The following WDR86 variants were observed in gnomAD, a reference collection of about 807,000 sequenced individuals.
WDR86 encodes the protein WD repeat-containing protein 86.
Under a neutral mutation model 36.5 loss-of-function variants are expected in WDR86, and 30 were observed. That is an observed-to-expected ratio of 0.82 (90% confidence interval 0.61 to 1.11). WDR86 has a LOEUF of 1.11. WDR86 is among the 50% of genes most tolerant of loss of function. The pLI, the probability that WDR86 is intolerant of heterozygous loss-of-function variation, is 0.00. For missense variants in WDR86, 545 were observed against 561.2 expected (o/e 0.97, Z 0.29); for synonymous variants, 255 against 252.9 (o/e 1.01, Z -0.08).
intron 3 of WDR86, among the ~76,000 whole-genome samples, chr7:151,392,669 G>T (rs1799521374): frequency 6.6e-6 from 1 of 152,166 alleles, no homozygotes; most frequent in Non-Finnish European, 1.5e-5. Flanking sequence ...GAGGCTCCGG[G>T]GCCACCGGCC....
the WDR86 span, among the ~76,000 whole-genome samples, chr7:151,369,887 A>G: frequency 1.3e-5 from 2 of 152,210 alleles, no homozygotes; most frequent in Admixed American, 6.5e-5. Flanking sequence ...GGATGGGAGC[A>G]GGAAAGCCCC....
At chr7:151,382,978 C>A (rs1331854838) in intron 4 of WDR86, among the ~76,000 whole-genome samples, 1 of 149,328 alleles carries the variant, frequency 6.7e-6, no homozygotes, top group Non-Finnish European at 1.5e-5. Context: ...TGTTCCCCAG[C>A]CTTTTTTTTT....
rs1185706504 is a variant in WDR86, at chr7:151,405,488, A to G, written c.163+3939T>C. 1.3e-5 allele frequency among the ~76,000 whole-genome samples: 2 copies of G among 152,234 alleles called. No individual in the cohort carries two copies. The highest frequency in any genetic ancestry group is 2.4e-5 in the African/African-American group (1 of 41,450). On this transcript the variant is annotated intron_variant, in intron 1 of 5. Coordinates refer to ENST00000334493, the MANE Select transcript of WDR86 (RefSeq NM_198285.3). This position sits in a 1 kb window ranked among gnomAD's most constrained non-coding sequence, Gnocchi z 4.7. ...TGTCCCTTTATTAAACTCTCCTGGT[A>G]GAACCCAGTTTCGAGGGTGCTGGGA...
intron 1 of WDR86, among the ~76,000 whole-genome samples, chr7:151,403,741 C>G (rs78315480): frequency 6.6e-6 from 1 of 152,120 alleles, no homozygotes; most frequent in Admixed American, 6.5e-5. Flanking sequence ...TTTTTGCCAA[C>G]CCCAGAGGGT....
chr7:151,408,952 C>T (rs1184003712), intron 1 of WDR86: 3 of 472,856 alleles, frequency 6.3e-6, no homozygotes, highest in East Asian at 1.4e-4. Context: ...CACACTTCTC[C>T]GCACCGCTGG....
chr7:151,376,569 T>C, downstream of WDR86: 5 of 1,462,412 alleles, frequency 3.4e-6, no homozygotes, highest in South Asian at 1.3e-5. Context: ...TCCACTCGTA[T>C]GGCTGACGGG....
In WDR86 at chr7:151,405,791, C is replaced by G. The variant is rs560061633; in HGVS notation, c.163+3636G>C. The stretch of plus-strand genomic sequence containing the variant: ...CAGGCTTCACAGGGAGTCTCCTATG[C>G]CACCGGCTCCCAGCAAATGGGAATG... On this transcript the variant is annotated intron_variant, in intron 1 of 5. Coordinates refer to ENST00000334493, the MANE Select transcript of WDR86 (RefSeq NM_198285.3). The surrounding 1 kb of genome is among the most constrained non-coding windows in gnomAD (Gnocchi z 4.7). 6.6e-6 allele frequency among the ~76,000 whole-genome samples: 1 copy of G among 152,176 alleles called. No homozygotes were observed. The highest frequency in any genetic ancestry group is 1.5e-5 in the Non-Finnish European group (1 of 68,036).
intron 3 of WDR86, among the ~76,000 whole-genome samples, chr7:151,393,590 G>A (rs1332852886): frequency 6.6e-6 from 1 of 152,092 alleles, no homozygotes; most frequent in East Asian, 1.9e-4. Flanking sequence ...ACATGAGGGC[G>A]AGTCACCAGC....
At chr7:151,394,756 A>G (rs142045104) in intron 3 of WDR86, among the ~76,000 whole-genome samples, 2 of 152,166 alleles carry the variant, frequency 1.3e-5, no homozygotes, top group Admixed American at 1.3e-4. Context: ...GCAACTTCAT[A>G]CCATAATCCC....
chr7:151,403,252 G>C (rs1293448874), intron 1 of WDR86, among the ~76,000 whole-genome samples: 1 of 152,152 alleles, frequency 6.6e-6, no homozygotes, highest in Non-Finnish European at 1.5e-5. Flanking sequence ...GTGTTGGGCA[G>C]GAAGGCCCAC....
rs925702881 is a variant in WDR86, at chr7:151,388,018, A to G, written c.727-2795T>C. Among the ~76,000 whole-genome samples, 5 of 152,236 alleles carry G rather than the reference A, an allele frequency of 3.3e-5. No individual in the cohort carries two copies. The highest frequency in any genetic ancestry group is 1.2e-4 in the African/African-American group (5 of 41,464). ...GCCACACGCAGCCCAGGGCCTGAAC[A>G]TGGTAACCCCCGCCCATCCCCAAAA... On this transcript the variant is annotated intron_variant, in intron 3 of 5. Coordinates refer to ENST00000334493, the MANE Select transcript of WDR86 (RefSeq NM_198285.3). The surrounding 1 kb of genome is among the most constrained non-coding windows in gnomAD (Gnocchi z 4.2).
downstream of WDR86, among the ~76,000 whole-genome samples, chr7:151,373,424 G>A (rs1235758665): frequency 6.6e-6 from 1 of 152,164 alleles, no homozygotes; most frequent in Non-Finnish European, 1.5e-5. Context: ...GAGAGGTGAA[G>A]AGACTAGAAC....
Position 151,390,661 on chromosome 7 carries a change from C to A in WDR86, c.726+5115G>T, listed in dbSNP as rs78652204. On this transcript the variant is annotated intron_variant, in intron 3 of 5. Coordinates refer to ENST00000334493, the MANE Select transcript of WDR86 (RefSeq NM_198285.3). The surrounding 1 kb of genome is among the most constrained non-coding windows in gnomAD (Gnocchi z 4.5). ...AACCCGTGTGTCTATCAACAGGTGA[C>A]GGATAAGCGCAATGTGGTATCCACA... Among the ~76,000 whole-genome samples the A allele has an allele frequency of 2.0e-5, 3 of 152,166 alleles. No homozygotes were observed. The highest frequency in any genetic ancestry group is 6.5e-5 in the Admixed American group (1 of 15,282).
rs1798560296 is a variant in WDR86 at position 151,381,495 on chromosome 7, A to G, written c.*87T>C. ...CCTCGCTCCTCGCCCCTCGCCGGCCATCGGGCGCCACCACCGCGGGTAGCA... is the reference window on the plus strand; with the variant it reads ...CCTCGCTCCTCGCCCCTCGCCGGCCGTCGGGCGCCACCACCGCGGGTAGCA... On this transcript the variant is annotated 3_prime_UTR_variant, in exon 6 of 6. Coordinates refer to ENST00000334493, the MANE Select transcript of WDR86 (RefSeq NM_198285.3). This position sits in a 1 kb window ranked among gnomAD's most constrained non-coding sequence, Gnocchi z 4.8. The G allele has an allele frequency of 4.8e-6, 7 of 1,459,794 alleles. No homozygotes were observed. The South Asian group carries it at 6.6e-5, about 14-fold the overall frequency. 90.4% of individuals were successfully genotyped at this position (1,459,794 alleles called of 1,614,324 possible).
chr7:151,392,866 C>T (rs767168872), intron 3 of WDR86, among the ~76,000 whole-genome samples: 6 of 152,288 alleles, frequency 3.9e-5, no homozygotes, highest in South Asian at 2.1e-4. Flanking sequence ...CCTAGGGGGT[C>T]TCAGCCCTCA....
downstream of WDR86, among the ~76,000 whole-genome samples, chr7:151,379,295 A>G (rs1219137203): frequency 6.6e-6 from 1 of 152,152 alleles, no homozygotes; most frequent in Non-Finnish European, 1.5e-5. Context: ...ATGGGCGTGT[A>G]GCAGGCAGGT....
chr7:151,389,462 G>A (rs1447858676), intron 3 of WDR86, among the ~76,000 whole-genome samples: 2 of 152,212 alleles, frequency 1.3e-5, no homozygotes, highest in Non-Finnish European at 2.9e-5. Flanking sequence ...CAGGGTCCCA[G>A]CAGACGCCCC....
At chr7:151,394,369 T>C (rs1453704508) in intron 3 of WDR86, among the ~76,000 whole-genome samples, 1 of 152,140 alleles carries the variant, frequency 6.6e-6, no homozygotes. Context: ...CTGGCCTGGC[T>C]CTCCTATGGG....
chr7:151,410,151 G>C (rs1394468903), upstream of WDR86: 1 of 901,620 alleles, frequency 1.1e-6, no homozygotes, highest in Non-Finnish European at 1.3e-6. Flanking sequence ...GTCGCTGTGC[G>C]GGTCCGGGGG....
Sources: allele counts gnomAD v4.1 joint callset (sites outside exome capture counted in the v4.1 genomes callset), GRCh38; gene constraint gnomAD v4.1.1; non-coding constraint Gnocchi (gnomAD v3.1); transcripts MANE v1.5; gene names NCBI Gene and HGNC (gene_info 2026-07-23, HGNC 2026-07-21).